The following OLFM3 variants were observed in gnomAD, a reference collection of about 807,000 sequenced individuals.
The protein encoded by OLFM3 is olfactomedin 3, also known as noelin-3.
Under a neutral mutation model 48.6 loss-of-function variants are expected in OLFM3, and 20 were observed. The observed-to-expected ratio is 0.41, with a 90% confidence interval of 0.29 to 0.60. The LOEUF is 0.60. Ranked by LOEUF, OLFM3 falls within the 20% of genes least tolerant of loss-of-function variation. The pLI, the probability that OLFM3 is intolerant of heterozygous loss-of-function variation, is 0.28. For synonymous variants in OLFM3, 222 were observed against 198.1 expected, an observed-to-expected ratio of 1.12 and a Z score of -1.01; for missense variants, 437 against 544.3, an observed-to-expected ratio of 0.80 and a Z score of 1.96.
At position 101,836,959 on chromosome 1, in the gene OLFM3, T is replaced by A. The variant is rs931604344; in HGVS notation, c.136A>T (p.Ile46Phe). 2 of 1,614,028 alleles carry A rather than the reference T, an allele frequency of 1.2e-6. No homozygotes were observed. The highest frequency in any genetic ancestry group is 2.7e-5 in the African/African-American group (2 of 74,926). The change falls in exon 2 of 6, where the codon ATT (isoleucine) becomes TTT (phenylalanine). Residue 46 changes from isoleucine (I) to phenylalanine (F), a missense_variant. Ile to Phe is a conservative substitution (Grantham distance 21). Around this residue, in one of 3 missense-constraint regions of OLFM3, gnomAD observed 314 missense variants for 365.5 expected, o/e 0.86. Coordinates refer to ENST00000370103, the MANE Select transcript of OLFM3 (RefSeq NM_058170.4). The stretch of plus-strand genomic sequence containing the variant: ...TGTTCTGGAGCAACAACTGTGCAAA[T>A]GCACCGCCCATCAGGATCCTGAGCT... ...SSAQDPDGRC[I>F]CTVVAPEQNL...
At chr1:101,815,584 A>T (rs1654297314) in intron 4 of OLFM3, among the ~76,000 whole-genome samples, 1 of 149,838 alleles carries the variant, frequency 6.7e-6, no homozygotes, top group Non-Finnish European at 1.5e-5. Flanking sequence ...GCTTTGGATT[A>T]GATGTGAGGA....
At position 101,866,672 on chromosome 1, in the gene OLFM3, T is replaced by C. The variant is rs187660754; in HGVS notation, c.70-29647A>G. On this transcript the variant is annotated intron_variant, in intron 1 of 5. Transcript: ENST00000370103. ...ACTTAAATAAGCATTCATCTGCTCA[T>C]ATTACTGTTTTTACATATGCATTCT... Among the ~76,000 whole-genome samples, 37 of 152,316 alleles carry C rather than the reference T, an allele frequency of 2.4e-4. No individual in the cohort carries two copies. The East Asian group carries it at 6.9e-3, about 29-fold the overall frequency.
At chr1:101,849,716 G>C (rs1184630504) in intron 1 of OLFM3, among the ~76,000 whole-genome samples, 3 of 152,106 alleles carry the variant, frequency 2.0e-5, no homozygotes, top group Non-Finnish European at 4.4e-5. Flanking sequence ...AGGTTCAAAA[G>C]GATGAATTCC....
chr1:101,841,212 A>G (rs1465837910), intron 1 of OLFM3, among the ~76,000 whole-genome samples: 1 of 152,198 alleles, frequency 6.6e-6, no homozygotes, highest in South Asian at 2.1e-4. Flanking sequence ...TTGCATTTCA[A>G]TAGATTTTTT....
intron 2 of OLFM3, among the ~76,000 whole-genome samples, chr1:101,836,624 T>C (rs2100923134): frequency 6.7e-6 from 1 of 150,096 alleles, no homozygotes; most frequent in East Asian, 2.0e-4. Flanking sequence ...AGATATCAAC[T>C]AGAGATTAAG....
At chr1:101,994,817 G>A (rs1410264836) in intron 1 of OLFM3, among the ~76,000 whole-genome samples, 1 of 151,880 alleles carries the variant, frequency 6.6e-6, no homozygotes, top group Non-Finnish European at 1.5e-5. Context: ...TGTGGAAGCT[G>A]AGAAGGACAG....
chr1:101,968,654 T>G (rs989873132), intron 1 of OLFM3, among the ~76,000 whole-genome samples: 5 of 152,114 alleles, frequency 3.3e-5, no homozygotes, highest in Non-Finnish European at 7.4e-5. Context: ...CAACTTCTAT[T>G]CCACTACTGT....
intron 1 of OLFM3, among the ~76,000 whole-genome samples, chr1:101,924,768 C>G (rs1659214311): frequency 6.6e-6 from 1 of 152,120 alleles, no homozygotes; most frequent in South Asian, 2.1e-4. Flanking sequence ...TCTGGAAATG[C>G]AGTATCTCCA....
chr1:101,805,345 A>G (rs1201185308), intron 5 of OLFM3, among the ~76,000 whole-genome samples: 1 of 151,864 alleles, frequency 6.6e-6, no homozygotes, highest in African/African-American at 2.4e-5. Context: ...TTCGTATTCA[A>G]TTGAAATAAG....
chr1:101,869,662 A>G (rs1009754841), intron 1 of OLFM3, among the ~76,000 whole-genome samples: 3 of 152,182 alleles, frequency 2.0e-5, no homozygotes, highest in Non-Finnish European at 4.4e-5. Flanking sequence ...GTCGTCACCC[A>G]AATCTCACCT....
chr1:101,837,126 A>C (rs142579528), intron 1 of OLFM3, 101 bp from the exon 2 acceptor site: 7 of 1,219,590 alleles, frequency 5.7e-6, no homozygotes, highest in Non-Finnish European at 7.9e-6. Flanking sequence ...TTGATAATTT[A>C]ACTTTGTGTT....
At chr1:101,819,570 G>T (rs911831644) in intron 4 of OLFM3, among the ~76,000 whole-genome samples, 3 of 151,950 alleles carry the variant, frequency 2.0e-5, no homozygotes, top group African/African-American at 7.3e-5. Context: ...TGGTGAGGGG[G>T]AGATAAAAGA....
chr1:101,901,070 C>A (rs1658372010), intron 1 of OLFM3, among the ~76,000 whole-genome samples: 1 of 152,010 alleles, frequency 6.6e-6, no homozygotes, highest in African/African-American at 2.4e-5. Context: ...TCAGAGCCTA[C>A]TATATGGTAT....
intron 1 of OLFM3, among the ~76,000 whole-genome samples, chr1:101,943,916 C>G (rs1169925103): frequency 2.0e-5 from 3 of 151,640 alleles, no homozygotes; most frequent in Admixed American, 1.3e-4. Flanking sequence ...TATTCTGTTT[C>G]TGATTGAAAT....
At chr1:101,860,523 T>C (rs1656608794) in intron 1 of OLFM3, among the ~76,000 whole-genome samples, 1 of 152,070 alleles carries the variant, frequency 6.6e-6, no homozygotes, top group African/African-American at 2.4e-5. Flanking sequence ...ATTCTTTTGA[T>C]ATCCATATCA....
chr1:101,972,382 A>T (rs973009442), intron 1 of OLFM3, among the ~76,000 whole-genome samples: 1 of 152,176 alleles, frequency 6.6e-6, no homozygotes, highest in African/African-American at 2.4e-5. Context: ...TAGTGCATTG[A>T]TCATAATATT....
chr1:101,983,695 A>G (rs1393766377), intron 1 of OLFM3, among the ~76,000 whole-genome samples: 1 of 152,170 alleles, frequency 6.6e-6, no homozygotes, highest in Non-Finnish European at 1.5e-5. Context: ...TTCTTTATAC[A>G]TTTTCTTAAA....
chr1:101,828,062 C>G (rs60646478), intron 3 of OLFM3, among the ~76,000 whole-genome samples: 15 of 121,798 alleles, frequency 1.2e-4, no homozygotes, highest in East Asian at 2.5e-4. Context: ...CTCTCTCTCT[C>G]TCTGTCTCTC....
intron 1 of OLFM3, among the ~76,000 whole-genome samples, chr1:101,923,254 A>G (rs17125757): frequency 0.019 from 2,821 of 152,316 alleles, 178 homozygotes; most frequent in Admixed American, 0.12. Flanking sequence ...TTCCGGTGTG[A>G]CTATTCCTTT....
Sources: gnomAD v4.1 joint callset for allele counts (sites outside exome capture counted in the v4.1 genomes callset) on GRCh38, gnomAD v4.1.1 for gene constraint, gnomAD v4.1.1 regional missense constraint, MANE v1.5 for transcripts, NCBI Gene and HGNC (gene_info 2026-07-23, HGNC 2026-07-21) for gene names.